The following STAM variants were observed in gnomAD, a reference collection of about 807,000 sequenced individuals.
STAM encodes signal transducing adapter molecule 1.
STAM carries 16 observed loss-of-function variants against 63.4 expected under a neutral mutation model. The observed-to-expected ratio is 0.25, with a 90% CI of 0.17 to 0.38. The LOEUF (loss-of-function observed/expected upper bound fraction) is 0.38, where lower values mean the gene tolerates loss of function less well. Among genes scored for constraint, STAM ranks in the 10% least tolerant of loss-of-function variants. STAM has a pLI of 1.00. For missense variants in STAM, 636 were observed against 657.1 expected, an observed-to-expected ratio of 0.97 and a Z score of 0.35; for synonymous variants, 238 against 223.9, an observed-to-expected ratio of 1.06 and a Z score of -0.56.
At chr10:17,666,463 T>C (rs548298179) in intron 2 of STAM, among the ~76,000 whole-genome samples, 3 of 150,522 alleles carry the variant, frequency 2.0e-5, no homozygotes, top group South Asian at 2.1e-4. Flanking sequence ...GGCACGATCT[T>C]GGCTCACTGC....
At chr10:17,699,430 T>C (rs1432754054) in intron 8 of STAM, among the ~76,000 whole-genome samples, 1 of 152,134 alleles carries the variant, frequency 6.6e-6, no homozygotes, top group African/African-American at 2.4e-5. Flanking sequence ...TTTAGTAGAG[T>C]TGTATATGCC....
intron 2 of STAM, among the ~76,000 whole-genome samples, chr10:17,668,475 A>G (rs200495281): frequency 6.6e-6 from 1 of 152,192 alleles, no homozygotes; most frequent in Non-Finnish European, 1.5e-5. Context: ...ATTAAGGTAC[A>G]CTTTGTTTTG....
At chr10:17,657,301 A>AT (rs1409454368) in intron 1 of STAM, among the ~76,000 whole-genome samples, 10 of 152,254 alleles carry the variant, frequency 6.6e-5, no homozygotes, top group African/African-American at 2.4e-4. Flanking sequence ...TAATTGCTGA[A>AT]TCACCCAACA....
At chr10:17,683,825 G>A (rs148404200) in intron 2 of STAM, among the ~76,000 whole-genome samples, 22 of 152,214 alleles carry the variant, frequency 1.4e-4, no homozygotes, top group African/African-American at 3.9e-4. Context: ...TTCATATCAT[G>A]TCTTCATATC....
At chr10:17,688,546 T>G (rs1835394952) in intron 5 of STAM, among the ~76,000 whole-genome samples, 1 of 152,100 alleles carries the variant, frequency 6.6e-6, no homozygotes, top group African/African-American at 2.4e-5. Context: ...CACTGCCACC[T>G]CTGCCTCCTG....
At chr10:17,709,354 C>G (rs1394982911) in intron 13 of STAM, among the ~76,000 whole-genome samples, 2 of 152,142 alleles carry the variant, frequency 1.3e-5, no homozygotes, top group Non-Finnish European at 2.9e-5. Flanking sequence ...TCTGAGCTGT[C>G]TCTTTAAGAC....
intron 2 of STAM, among the ~76,000 whole-genome samples, chr10:17,662,532 T>G (rs1554823002): frequency 6.6e-6 from 1 of 152,232 alleles, no homozygotes; most frequent in African/African-American, 2.4e-5. Flanking sequence ...TTCTTAGATA[T>G]AAACCTAGTA....
chr10:17,696,994 A>G (rs1355106519), intron 8 of STAM, 125 bp downstream of exon 8: 8 of 678,394 alleles, frequency 1.2e-5, no homozygotes, highest in African/African-American at 7.2e-5. Context: ...AGCTCGGATC[A>G]TTGCAACCTC....
At chr10:17,696,625 T>C in intron 7 of STAM, 150 bp from the exon 8 acceptor site, 1 of 570,980 alleles carries the variant, frequency 1.8e-6, no homozygotes, top group South Asian at 2.7e-5. Context: ...TTCTTCTTCT[T>C]TTGTAATAAA....
intron 1 of STAM, among the ~76,000 whole-genome samples, chr10:17,659,331 C>T (rs1256373307): frequency 6.6e-6 from 1 of 151,442 alleles, no homozygotes; most frequent in South Asian, 2.1e-4. Flanking sequence ...TATATAAAAT[C>T]GTAGGTAATG....
At chr10:17,706,187 T>A (rs1266962783) in intron 12 of STAM, among the ~76,000 whole-genome samples, 1 of 152,090 alleles carries the variant, frequency 6.6e-6, no homozygotes, top group Non-Finnish European at 1.5e-5. Context: ...TTTTTTTACT[T>A]GGCAGTTACA....
At chr10:17,687,902 TGTCTA>T in intron 4 of STAM, 120 bp from the exon 5 acceptor site, 1 of 674,052 alleles carries the variant, frequency 1.5e-6, no homozygotes, top group Non-Finnish European at 2.2e-6. Flanking sequence ...TATATTTTCT[TGTCTA>T]TAGCTATGCA....
chr10:17,704,886 C>G, intron 10 of STAM, 84 bp from the exon 11 acceptor site: 2 of 1,156,278 alleles, frequency 1.7e-6, no homozygotes, highest in African/African-American at 1.6e-5. Context: ...ATCTTTTATT[C>G]CTTAAATTAT....
chr10:17,695,498 A>C (rs185248848), intron 7 of STAM, among the ~76,000 whole-genome samples: 1 of 152,218 alleles, frequency 6.6e-6, no homozygotes, highest in African/African-American at 2.4e-5. Context: ...GGTTCCACCT[A>C]ATAATATAGA....
chr10:17,666,045 T>C (rs1834361286), intron 2 of STAM, among the ~76,000 whole-genome samples: 1 of 152,220 alleles, frequency 6.6e-6, no homozygotes, highest in Non-Finnish European at 1.5e-5. Flanking sequence ...TTAGTGTTGA[T>C]TGATTTGTTT....
At chr10:17,670,004 A>T (rs1401739688) in intron 2 of STAM, among the ~76,000 whole-genome samples, 1 of 149,992 alleles carries the variant, frequency 6.7e-6, no homozygotes, top group South Asian at 2.1e-4. Context: ...TGCTGGGATC[A>T]CAGGCGTGAG....
intron 12 of STAM, 35 bp downstream of exon 12, chr10:17,705,776 T>C: frequency 6.3e-7 from 1 of 1,595,740 alleles, no homozygotes; most frequent in Non-Finnish European, 8.5e-7. Context: ...TTTTAAATTC[T>C]CAAATGCACA....
chr10:17,684,939 T>A lies in STAM; in HGVS notation c.297+12T>A. The stretch of plus-strand genomic sequence containing the variant: ...ACGTATTAAATAAGGTAAGGAGCAT[T>A]ATTTCCAGAAATTAATTAAGGCAGT... On this transcript the variant is annotated intron_variant, in intron 4 of 13. Transcript: ENST00000377524. 1 of 1,591,978 alleles carries A rather than the reference T, an allele frequency of 6.3e-7. No homozygotes were observed. Among genetic ancestry groups the A allele is most frequent in the Non-Finnish European group, 8.6e-7 (1 of 1,163,116 alleles).
At chr10:17,712,260 A>G (rs1331601025) in intron 13 of STAM, among the ~76,000 whole-genome samples, 1 of 152,194 alleles carries the variant, frequency 6.6e-6, no homozygotes, top group Non-Finnish European at 1.5e-5. Flanking sequence ...AGACCTGGAG[A>G]CAAAACGGAA....
Sources: allele counts gnomAD v4.1 joint callset (sites outside exome capture counted in the v4.1 genomes callset), GRCh38; gene constraint gnomAD v4.1.1; transcripts MANE v1.5; gene names NCBI Gene and HGNC (gene_info 2026-07-23, HGNC 2026-07-21).